The following TP63 variants were observed in gnomAD, a reference collection of about 807,000 sequenced individuals.
TP63 encodes the protein tumor protein p63.
In TP63, 17 loss-of-function variants were observed where a neutral mutation model predicts 82.8. The ratio of observed to expected loss-of-function variants is 0.21; its 90% CI spans 0.14 to 0.31. The LOEUF (loss-of-function observed/expected upper bound fraction) is 0.31, where lower values mean the gene tolerates loss of function less well. Ranked by LOEUF, TP63 falls within the 10% of genes least tolerant of loss-of-function variation. TP63 has a pLI of 1.00. For missense variants in TP63, 648 were observed against 895.3 expected, an observed-to-expected ratio of 0.72 and a Z score of 3.52; for synonymous variants, 330 against 321.7, an observed-to-expected ratio of 1.03 and a Z score of -0.28.
intron 4 of TP63, among the ~76,000 whole-genome samples, chr3:189,829,604 G>A (rs1711986794): frequency 6.6e-6 from 1 of 152,228 alleles, no homozygotes; most frequent in South Asian, 2.1e-4. Context: ...AATGGGCAGA[G>A]ACTAGATTTG....
rs1374846690 is a variant in TP63 at position 189,768,282 on chromosome 3, T to TAC, written c.324+29508_324+29509insAC. Among the ~76,000 whole-genome samples, 6 of 152,188 alleles carry TAC rather than the reference T, an allele frequency of 3.9e-5. No homozygotes were observed. The South Asian group carries it at 1.0e-3, about 26-fold the overall frequency. On this transcript the variant is annotated intron_variant, in intron 3 of 13. Coordinates refer to ENST00000264731, the MANE Select transcript of TP63 (RefSeq NM_003722.5). ...GTGGGCTTTTCTTTACTATTTACTTTTTTAGGTCAGTCATTGAACACAAGG... is the reference window on the plus strand; with the variant it reads ...GTGGGCTTTTCTTTACTATTTACTTTACTTTAGGTCAGTCATTGAACACAAGG...
intron 3 of TP63, among the ~76,000 whole-genome samples, chr3:189,774,886 C>T (rs937660010): frequency 4.9e-4 from 75 of 152,058 alleles, no homozygotes; most frequent in African/African-American, 1.3e-3. Context: ...GACTTAGGTA[C>T]GCGGTTGGCC....
intron 1 of TP63, among the ~76,000 whole-genome samples, chr3:189,734,703 A>G (rs1052389500): frequency 6.6e-6 from 1 of 151,984 alleles, no homozygotes; most frequent in South Asian, 2.1e-4. Context: ...ATCAGCCTTG[A>G]CTTCTATTTA....
chr3:189,621,493 AC>A, the TP63 span, among the ~76,000 whole-genome samples: 1 of 151,960 alleles, frequency 6.6e-6, no homozygotes, highest in African/African-American at 2.4e-5. Flanking sequence ...TATTTATTAT[AC>A]ATGTTACACT....
At chr3:189,845,567 C>T (rs1160869697) in intron 4 of TP63, among the ~76,000 whole-genome samples, 3 of 151,926 alleles carry the variant, frequency 2.0e-5, no homozygotes, top group Non-Finnish European at 2.9e-5. Context: ...AATTCAAATT[C>T]ATTCAGAAAG....
intron 3 of TP63, among the ~76,000 whole-genome samples, chr3:189,747,657 A>G (rs1272094271): frequency 6.6e-6 from 1 of 152,104 alleles, no homozygotes; most frequent in East Asian, 1.9e-4. Context: ...AAACAATCCA[A>G]CAATGCACCT....
chr3:189,791,571 T>C (rs1725146009), intron 3 of TP63, among the ~76,000 whole-genome samples: 1 of 152,150 alleles, frequency 6.6e-6, no homozygotes, highest in Non-Finnish European at 1.5e-5. Flanking sequence ...GCATCCCTTG[T>C]CTGTTTTCTA....
intron 4 of TP63, among the ~76,000 whole-genome samples, chr3:189,839,824 A>G (rs942653352): frequency 6.6e-5 from 10 of 152,194 alleles, no homozygotes; most frequent in African/African-American, 2.2e-4. Flanking sequence ...CAGCCTTGAA[A>G]TGAGTCACAC....
chr3:189,774,799 G>A (rs1723653093), intron 3 of TP63, among the ~76,000 whole-genome samples: 1 of 152,112 alleles, frequency 6.6e-6, no homozygotes, highest in Non-Finnish European at 1.5e-5. Flanking sequence ...TTCAAATAGG[G>A]CATCAGATAC....
intron 1 of TP63, among the ~76,000 whole-genome samples, chr3:189,715,107 G>A (rs35427436): frequency 0.1 from 15,548 of 151,986 alleles, 884 homozygotes; most frequent in Non-Finnish European, 0.12. Context: ...ACTTGCCCTC[G>A]TTTCCTCCCT....
rs143202287 is a variant in TP63 at position 189,889,779 on chromosome 3, A to G, written c.1652+295A>G. On this transcript the variant is annotated intron_variant, in intron 12 of 13. Coordinates refer to ENST00000264731, the MANE Select transcript of TP63 (RefSeq NM_003722.5). ...CCTCTCTCACATTTTTACATTGTCAATTGCGGCCCTCAAGTTGGTGCTCAG... is the reference window on the plus strand; with the variant it reads ...CCTCTCTCACATTTTTACATTGTCAGTTGCGGCCCTCAAGTTGGTGCTCAG... Among the ~76,000 whole-genome samples, 101 of 152,236 alleles carry G rather than the reference A, an allele frequency of 6.6e-4. No individual in the cohort carries two copies. In the Middle Eastern group the frequency reaches 0.01, roughly 15 times the overall value.
At chr3:189,667,025 G>GAAA (rs35573853) in intron 1 of TP63, among the ~76,000 whole-genome samples, 22 of 116,046 alleles carry the variant, frequency 1.9e-4, no homozygotes, top group Admixed American at 6.1e-4. Context: ...TACAGTTTTT[G>GAAA]AAAAAAAAAA....
chr3:189,784,030 C>T (rs780936975), intron 3 of TP63, among the ~76,000 whole-genome samples: 2 of 151,756 alleles, frequency 1.3e-5, no homozygotes, highest in African/African-American at 2.4e-5. Context: ...TACATAAACA[C>T]GGGAGGAAGA....
At chr3:189,746,181 C>T (rs1721359942) in intron 3 of TP63, among the ~76,000 whole-genome samples, 1 of 151,582 alleles carries the variant, frequency 6.6e-6, no homozygotes, top group South Asian at 2.1e-4. Flanking sequence ...AAAGTTTTGT[C>T]ACTTATAAAG....
intron 3 of TP63, among the ~76,000 whole-genome samples, chr3:189,766,836 C>T (rs1317677086): frequency 6.6e-6 from 1 of 152,160 alleles, no homozygotes; most frequent in Admixed American, 6.5e-5. Flanking sequence ...GCAACAGTTG[C>T]TTTTCTCCTT....
chr3:189,866,673 G>GC lies in TP63; in HGVS notation c.767-8dup, dbSNP rs1242932667. 1 of 1,611,268 alleles carries GC rather than the reference G, an allele frequency of 6.2e-7. No individual in the cohort carries two copies. On this transcript the variant is annotated splice_polypyrimidine_tract_variant and intron_variant, in intron 5 of 13. Coordinates refer to ENST00000264731, the MANE Select transcript of TP63 (RefSeq NM_003722.5). The stretch of plus-strand genomic sequence containing the variant: ...AGAACTAACTCTTTTATTGTTTTCT[G>GC]CTCTGCAGGACAGATTGCCCCTCCT...
intron 4 of TP63, among the ~76,000 whole-genome samples, chr3:189,814,567 A>G (rs1261098765): frequency 1.3e-5 from 2 of 152,280 alleles, no homozygotes; most frequent in Non-Finnish European, 2.9e-5. Flanking sequence ...AGAAAATAAT[A>G]GCATTGAGCA....
In TP63 at chr3:189,725,034, A is replaced by C. The variant is rs114076528; in HGVS notation, c.63-12706A>C. On this transcript the variant is annotated intron_variant, in intron 1 of 13. Coordinates refer to ENST00000264731, the MANE Select transcript of TP63 (RefSeq NM_003722.5). ...TTTGCACAAATGTGTTGCTTAATAA[A>C]TAAATCCTTATGATTTGTATCAGAC... 2.5e-3 allele frequency among the ~76,000 whole-genome samples: 379 copies of C among 152,332 alleles called. 2 individuals are homozygous for C. Among genetic ancestry groups the C allele is most frequent in the African/African-American group, 8.5e-3 (355 of 41,576 alleles).
chr3:189,624,076 A>G, the TP63 span, among the ~76,000 whole-genome samples: 3 of 152,170 alleles, frequency 2.0e-5, no homozygotes, highest in Non-Finnish European at 4.4e-5. Context: ...TTTACTTACC[A>G]TTGATGTTTA....
Sources: allele counts gnomAD v4.1 joint callset (sites outside exome capture counted in the v4.1 genomes callset), GRCh38; gene constraint gnomAD v4.1.1; transcripts MANE v1.5; gene names NCBI Gene and HGNC (gene_info 2026-07-23, HGNC 2026-07-21).